ANAPC1: variants seen among roughly 807,000 people sequenced by gnomAD.
ANAPC1 encodes anaphase-promoting complex subunit 1.
In ANAPC1, 36 loss-of-function variants were observed where a neutral mutation model predicts 208.0. That is an observed-to-expected ratio of 0.17 (90% CI 0.13 to 0.23). ANAPC1 has a LOEUF of 0.23. Ranked by LOEUF, ANAPC1 falls within the 10% of genes least tolerant of loss-of-function variation. The pLI is 1.00. For synonymous variants in ANAPC1, 378 were observed against 695.2 expected, an observed-to-expected ratio of 0.54 and a Z score of 7.18; for missense variants, 942 against 2,011.6, an observed-to-expected ratio of 0.47 and a Z score of 10.17.
At chr2:111,770,459 T>C (rs978131356) in intron 47 of ANAPC1, among the ~76,000 whole-genome samples, 1 of 146,784 alleles carries the variant, frequency 6.8e-6, no homozygotes, top group Non-Finnish European at 1.5e-5. Flanking sequence ...TCACTGTGGG[T>C]TAATATTTAA....
At chr2:111,875,830 C>G (rs1480726223) in intron 3 of ANAPC1, among the ~76,000 whole-genome samples, 1 of 152,196 alleles carries the variant, frequency 6.6e-6, no homozygotes, top group Non-Finnish European at 1.5e-5. Context: ...TTCCATAATT[C>G]TTTTTGCTGT....
chr2:111,860,925 C>G (rs1370976142), intron 10 of ANAPC1, among the ~76,000 whole-genome samples: 1 of 150,792 alleles, frequency 6.6e-6, no homozygotes, highest in Non-Finnish European at 1.5e-5. Context: ...CAATTCTAAT[C>G]TAATTCTCTT....
In ANAPC1 at chr2:111,824,954, A is replaced by C. The variant is rs906488871; in HGVS notation, c.2812+12T>G. On this transcript the variant is annotated intron_variant, in intron 24 of 47. Coordinates refer to ENST00000341068, the MANE Select transcript of ANAPC1 (RefSeq NM_022662.4). The stretch of plus-strand genomic sequence containing the variant: ...GCACGGCCTAGTTAGGAGGTAACAA[A>C]GAAGCTCTCACCTACATTAGTCATC... 1.2e-6 allele frequency: 2 copies of C among 1,613,818 alleles called. No individual in the cohort carries two copies. The highest frequency in any genetic ancestry group is 1.7e-6 in the Non-Finnish European group (2 of 1,179,744).
chr2:111,863,211 A>G (rs941826158), intron 9 of ANAPC1, among the ~76,000 whole-genome samples: 8 of 152,054 alleles, frequency 5.3e-5, no homozygotes, highest in Non-Finnish European at 1.2e-4. Context: ...TAGAAATCTT[A>G]GTAAAAGTGG....
rs182640344 is a variant in ANAPC1, at chr2:111,840,748, A to C, written c.2041-2236T>G. 2.1e-3 allele frequency among the ~76,000 whole-genome samples: 317 copies of C among 152,376 alleles called. 5 individuals carry two copies. The highest frequency in any genetic ancestry group is 7.4e-3 in the African/African-American group (307 of 41,590). ...ATGTCACTCGGATACAATTGTTTAA[A>C]ATAAGAAAAGAAGGCCAGGAGCCGT... On this transcript the variant is annotated intron_variant, in intron 17 of 47. Transcript: ENST00000341068.
In ANAPC1 at chr2:111,880,838, T is replaced by C; in HGVS notation, c.-13A>G. 2 of 1,613,476 alleles carry C rather than the reference T, an allele frequency of 1.2e-6. No individual in the cohort carries two copies. Among genetic ancestry groups the C allele is most frequent in the Non-Finnish European group, 1.7e-6 (2 of 1,179,660 alleles). On this transcript the variant is annotated 5_prime_UTR_variant, in exon 2 of 48. Coordinates refer to ENST00000341068, the MANE Select transcript of ANAPC1 (RefSeq NM_022662.4). ...AGAAGTTCGACATGGGTTCCAAATA[T>C]CAACATTATTTCTGTATGAATTCAA...
chr2:111,881,461 C>G (rs898158273), intron 1 of ANAPC1, among the ~76,000 whole-genome samples: 1 of 152,138 alleles, frequency 6.6e-6, no homozygotes, highest in African/African-American at 2.4e-5. Context: ...ACCCAAAGAA[C>G]CGAGGCATGA....
intron 10 of ANAPC1, among the ~76,000 whole-genome samples, chr2:111,860,879 T>G (rs534818316): frequency 6.6e-6 from 1 of 152,016 alleles, no homozygotes; most frequent in Non-Finnish European, 1.5e-5. Context: ...GCCTATATAC[T>G]ACATGTACAC....
intron 27 of ANAPC1, among the ~76,000 whole-genome samples, chr2:111,817,677 G>T (rs1679309296): frequency 6.7e-6 from 1 of 149,612 alleles, no homozygotes. Flanking sequence ...ATTTTTTAAA[G>T]TATGCAATTT....
In ANAPC1 at chr2:111,808,839, C is replaced by T. The variant is rs564475667; in HGVS notation, c.3832+108G>A. ...CTAGATCATTCTTTGCTCATAAAAGCTACCATTGTCTTTCCTTAATTTTTA... is the reference window on the plus strand; with the variant it reads ...CTAGATCATTCTTTGCTCATAAAAGTTACCATTGTCTTTCCTTAATTTTTA... On this transcript the variant is annotated intron_variant, in intron 29 of 47. Transcript: ENST00000341068. 4.4e-5 allele frequency: 66 copies of T among 1,495,730 alleles called. 1 individual carries two copies. In the South Asian group the frequency reaches 7.6e-4, roughly 17 times the overall value. The allele number at this position is 1,495,730 out of a possible 1,614,324, so 92.7% of individuals were successfully genotyped here.
At chr2:111,864,050 G>C (rs978765071) in intron 8 of ANAPC1, among the ~76,000 whole-genome samples, 155 bp from the exon 9 acceptor site, 5 of 152,168 alleles carry the variant, frequency 3.3e-5, no homozygotes, top group African/African-American at 1.2e-4. Context: ...AATGAGGCCA[G>C]GTGCCGTGGC....
At chr2:111,873,222 A>T in intron 5 of ANAPC1, 86 bp downstream of exon 5, 1 of 1,256,264 alleles carries the variant, frequency 8.0e-7, no homozygotes, top group Non-Finnish European at 1.1e-6. Context: ...ACTACGAAAC[A>T]TGAGACATAA....
chr2:111,868,645 A>C (rs1317628852), intron 6 of ANAPC1, among the ~76,000 whole-genome samples: 2 of 152,056 alleles, frequency 1.3e-5, no homozygotes, highest in East Asian at 3.9e-4. Flanking sequence ...ATTCTCCTGT[A>C]TCAACCTCCC....
intron 29 of ANAPC1, among the ~76,000 whole-genome samples, chr2:111,807,689 C>CAAA (rs138431522): frequency 4.2e-3 from 600 of 141,994 alleles, no homozygotes; most frequent in African/African-American, 0.014. Flanking sequence ...AAGACTCTCT[C>CAAA]AAAAAAAAAA....
chr2:111,837,107 A>G (rs1680512164), intron 18 of ANAPC1, among the ~76,000 whole-genome samples: 1 of 152,174 alleles, frequency 6.6e-6, no homozygotes, highest in African/African-American at 2.4e-5. Context: ...AGATAAACAA[A>G]CCATGGTATA....
chr2:111,819,254 A>C (rs955837948), intron 26 of ANAPC1: 185 of 984,578 alleles, frequency 1.9e-4, no homozygotes, highest in Non-Finnish European at 2.0e-4. Context: ...CAAAAAAAAA[A>C]AGAAATTTAA....
At chr2:111,802,297 A>C in intron 33 of ANAPC1, 131 bp downstream of exon 33, 1 of 672,012 alleles carries the variant, frequency 1.5e-6, no homozygotes, top group Non-Finnish European at 2.7e-6. Context: ...TCCTGGACTC[A>C]AGCAATCCTC....
At chr2:111,794,480 C>T (rs1678052083) in intron 35 of ANAPC1, among the ~76,000 whole-genome samples, 157 bp from the exon 36 acceptor site, 1 of 151,452 alleles carries the variant, frequency 6.6e-6, no homozygotes, top group Admixed American at 6.6e-5. Context: ...ATTTTTTTTT[C>T]AGCAGAAGCA....
chr2:111,816,902 T>TA (rs1295060469), intron 27 of ANAPC1, among the ~76,000 whole-genome samples: 1 of 91,092 alleles, frequency 1.1e-5, no homozygotes, highest in Non-Finnish European at 2.2e-5. Flanking sequence ...CAATGAGTAA[T>TA]AAGTTCATAA....
Sources: allele counts gnomAD v4.1 joint callset (sites outside exome capture counted in the v4.1 genomes callset), GRCh38; gene constraint gnomAD v4.1.1; transcripts MANE v1.5; gene names NCBI Gene and HGNC (gene_info 2026-07-23, HGNC 2026-07-21).